PCDHGB2: variants seen among roughly 807,000 people sequenced by gnomAD.
PCDHGB2 encodes the protein protocadherin gamma subfamily B, 2, also known as protocadherin gamma-B2.
Under a neutral mutation model 59.3 loss-of-function variants are expected in PCDHGB2, and 55 were observed. The observed-to-expected ratio is 0.93, with a 90% CI of 0.75 to 1.16. The LOEUF (loss-of-function observed/expected upper bound fraction) is 1.16, where lower values mean the gene tolerates loss of function less well. PCDHGB2 is among the 50% of genes most tolerant of loss of function. The probability of loss-of-function intolerance (pLI) is 0.00; values close to 1 mark genes in which losing one functional copy is unlikely to be tolerated. For synonymous variants in PCDHGB2, 516 were observed against 512.0 expected, an observed-to-expected ratio of 1.01 and a Z score of -0.11; for missense variants, 1,228 against 1,198.5, an observed-to-expected ratio of 1.02 and a Z score of -0.36.
intron 1 of PCDHGB2, chr5:141,396,067 T>C (rs924469652): frequency 6.6e-6 from 1 of 152,222 alleles, no homozygotes; most frequent in African/African-American, 2.4e-5. Context: ...GCTGTTTCGG[T>C]TGTGCATTGA....
At chr5:141,495,065 T>C (rs1413025171) in intron 2 of PCDHGB2, among the ~76,000 whole-genome samples, 200 bp downstream of exon 2, 1 of 152,148 alleles carries the variant, frequency 6.6e-6, no homozygotes, top group Admixed American at 6.5e-5. Flanking sequence ...TTCAGGAAGC[T>C]CAATTCACAT....
intron 1 of PCDHGB2, among the ~76,000 whole-genome samples, chr5:141,457,938 G>A (rs915640623): frequency 6.6e-6 from 1 of 152,160 alleles, no homozygotes; most frequent in African/African-American, 2.4e-5. Flanking sequence ...GCTTTTATTG[G>A]CTCTGCATGT....
rs914637211 is a variant in PCDHGB2, at chr5:141,422,245, G to C, written c.2421+59689G>C. The C allele has an allele frequency of 2.2e-5, 34 of 1,566,540 alleles. No individual in the cohort carries two copies. Among genetic ancestry groups the C allele is most frequent in the Non-Finnish European group, 2.8e-5 (32 of 1,162,588 alleles). On this transcript the variant is annotated intron_variant, in intron 1 of 3. Coordinates refer to ENST00000522605, the MANE Select transcript of PCDHGB2 (RefSeq NM_018923.3). ...CACGACGATGTTGATCACTGTTGTG[G>C]ATGTGAATGATAACGCTCCAGAAAT...
At chr5:141,372,801 T>A in intron 1 of PCDHGB2, 1 of 1,594,978 alleles carries the variant, frequency 6.3e-7, no homozygotes, top group Non-Finnish European at 8.5e-7. Context: ...TTCAGGCAAT[T>A]TGCAAAAGGT....
rs775051431 is a variant in PCDHGB2, at chr5:141,376,309, C to T, written c.2421+13753C>T. 2.5e-6 allele frequency: 4 copies of T among 1,614,030 alleles called. No individual in the cohort carries two copies. The East Asian group carries it at 6.7e-5, about 27-fold the overall frequency. On this transcript the variant is annotated intron_variant, in intron 1 of 3. Transcript: ENST00000522605. Reference sequence around the variant, plus strand: ...GCATGCCCGGCTCGCACTTTGTGGGCGTGGAAGGGGTTCGGGCTTTCCTGC... The same window carrying T: ...GCATGCCCGGCTCGCACTTTGTGGGTGTGGAAGGGGTTCGGGCTTTCCTGC...
intron 1 of PCDHGB2, chr5:141,393,960 G>A (rs2092885452): frequency 4.3e-6 from 7 of 1,613,944 alleles, no homozygotes; most frequent in Non-Finnish European, 5.1e-6. Context: ...TGGTCAAGTT[G>A]TCTGTTACAC....
rs368075478 is a variant in PCDHGB2, at chr5:141,403,866, A to G, written c.2421+41310A>G. The G allele has an allele frequency of 1.3e-4, 207 of 1,613,762 alleles. No individual in the cohort carries two copies. Among genetic ancestry groups the G allele is most frequent in the Non-Finnish European group, 1.6e-4 (186 of 1,179,844 alleles). On this transcript the variant is annotated intron_variant, in intron 1 of 3. Transcript: ENST00000522605. ...AATACTGGGGAAATATCAACAGCAA[A>G]AAGTCTAGATTATGAAGAATGTTCA...
chr5:141,425,394 G>T (rs186813737), intron 1 of PCDHGB2, among the ~76,000 whole-genome samples: 10 of 152,302 alleles, frequency 6.6e-5, no homozygotes, highest in African/African-American at 2.4e-4. Context: ...TAGTGATAAA[G>T]TTCTGTTAAG....
At chr5:141,441,730 A>T in intron 1 of PCDHGB2, 1 of 362,750 alleles carries the variant, frequency 2.8e-6, no homozygotes, top group South Asian at 2.2e-5. Context: ...CGCGACCAGG[A>T]CTAGCTCGCG....
intron 1 of PCDHGB2, among the ~76,000 whole-genome samples, chr5:141,492,882 C>G (rs2099744816): frequency 6.6e-6 from 1 of 152,218 alleles, no homozygotes; most frequent in Admixed American, 6.5e-5. Context: ...CCCAGAGATA[C>G]AGGCTTTTGG....
chr5:141,454,762 G>C (rs889314181), intron 1 of PCDHGB2, among the ~76,000 whole-genome samples: 4 of 115,056 alleles, frequency 3.5e-5, no homozygotes, highest in African/African-American at 6.6e-5. Context: ...ATCTTGACAT[G>C]TTTTTTACAA....
At chr5:141,503,802 G>A (rs2099831646) in intron 2 of PCDHGB2, among the ~76,000 whole-genome samples, 1 of 151,998 alleles carries the variant, frequency 6.6e-6, no homozygotes, top group South Asian at 2.1e-4. Context: ...CTTAGGGACG[G>A]GGAATCCCAG....
At chr5:141,365,163 CCTA>C in intron 1 of PCDHGB2, 2 of 1,613,918 alleles carry the variant, frequency 1.2e-6, no homozygotes, top group Non-Finnish European at 1.7e-6. Flanking sequence ...GGGAAATTGA[CCTA>C]CTCTTTTCGC....
At chr5:141,427,896 C>T in intron 1 of PCDHGB2, 2 of 1,570,508 alleles carry the variant, frequency 1.3e-6, no homozygotes, top group Non-Finnish European at 1.7e-6. Context: ...CCAGGGCTCG[C>T]CCGCGCTCAG....
chr5:141,490,288 G>T lies in PCDHGB2; in HGVS notation c.2422-4519G>T, dbSNP rs2099698282. 1.2e-6 allele frequency: 2 copies of T among 1,614,080 alleles called. No homozygotes were observed. Among genetic ancestry groups the T allele is most frequent in the South Asian group, 1.1e-5 (1 of 91,092 alleles). On this transcript the variant is annotated intron_variant, in intron 1 of 3. Transcript: ENST00000522605. This position sits in a 1 kb window ranked among gnomAD's most constrained non-coding sequence, Gnocchi z 5.4. ...GGATGTCAATGACAATGCCCCAGAG[G>T]TGCTATTGGCCTCTTTGGCCAACCC...
chr5:141,484,277 G>T (rs1026083889), intron 1 of PCDHGB2, among the ~76,000 whole-genome samples: 1 of 152,126 alleles, frequency 6.6e-6, no homozygotes, highest in South Asian at 2.1e-4. Context: ...TTACTGTTTT[G>T]AAACATCTCC....
At position 141,383,936 on chromosome 5, in the gene PCDHGB2, AAGTGACTATG is replaced by A. The variant is rs765282926; in HGVS notation, c.2421+21382_2421+21391del. On this transcript the variant is annotated intron_variant, in intron 1 of 3. Coordinates refer to ENST00000522605, the MANE Select transcript of PCDHGB2 (RefSeq NM_018923.3). ...TTAGATGTAAATGATAATGCTCCAG[AAGTGACTATG>A]ACGTCTTTAAGTAGCTCAATCCCTG... 5.0e-6 allele frequency: 8 copies of A among 1,613,818 alleles called. No homozygotes were observed. In the South Asian group the frequency reaches 8.8e-5, roughly 18 times the overall value.
intron 1 of PCDHGB2, chr5:141,412,090 T>C (rs1008718786): frequency 3.3e-5 from 5 of 152,218 alleles, no homozygotes; most frequent in Admixed American, 2.0e-4. Flanking sequence ...ACTGGGTTGA[T>C]GGGCACACAC....
intron 1 of PCDHGB2, chr5:141,383,554 G>A (rs773842723): frequency 1.9e-6 from 3 of 1,612,524 alleles, no homozygotes; most frequent in Non-Finnish European, 2.5e-6. Context: ...TGATGGCGGC[G>A]ACCCGCCCCG....
Sources: allele counts gnomAD v4.1 joint callset (sites outside exome capture counted in the v4.1 genomes callset), GRCh38; gene constraint gnomAD v4.1.1; non-coding constraint Gnocchi (gnomAD v3.1); transcripts MANE v1.5; gene names NCBI Gene and HGNC (gene_info 2026-07-23, HGNC 2026-07-21).